The following P3H1 variants were observed in gnomAD, a reference collection of about 807,000 sequenced individuals.
The protein encoded by P3H1 is growth suppressor 1.
P3H1 carries 69 observed loss-of-function variants against 84.0 expected under a neutral mutation model. That is an observed-to-expected ratio of 0.82 (90% CI 0.68 to 1.00). The LOEUF (loss-of-function observed/expected upper bound fraction) is 1.00, where lower values mean the gene tolerates loss of function less well. Among genes scored for constraint, P3H1 ranks in the 50% least tolerant of loss-of-function variants. The pLI, the probability that P3H1 is intolerant of heterozygous loss-of-function variation, is 0.00. For missense variants in P3H1, 878 were observed against 962.8 expected (o/e 0.91, Z 1.17); for synonymous variants, 366 against 388.8 (o/e 0.94, Z 0.69).
intron 10 of P3H1, among the ~76,000 whole-genome samples, 197 bp downstream of exon 10, chr1:42,752,077 T>G (rs1272331676): frequency 2.0e-5 from 3 of 152,228 alleles, no homozygotes; most frequent in Non-Finnish European, 4.4e-5. Context: ...CACTTTGTTT[T>G]GATTACACTC....
intron 4 of P3H1, among the ~76,000 whole-genome samples, chr1:42,758,135 G>A (rs1652504496): frequency 6.6e-6 from 1 of 152,116 alleles, no homozygotes; most frequent in Non-Finnish European, 1.5e-5. Context: ...AAGGTGAGGT[G>A]GTCAATGTCC....
At chr1:42,749,692 C>T (rs1398994383) in intron 11 of P3H1, among the ~76,000 whole-genome samples, 1 of 152,220 alleles carries the variant, frequency 6.6e-6, no homozygotes, top group Non-Finnish European at 1.5e-5. Flanking sequence ...TCCCACCACC[C>T]GGAGTACTCC....
chr1:42,762,862 C>A (rs749066651), intron 1 of P3H1, among the ~76,000 whole-genome samples: 1 of 152,054 alleles, frequency 6.6e-6, no homozygotes, highest in Non-Finnish European at 1.5e-5. Flanking sequence ...GAGGCCGAGG[C>A]AGGTGGATCA....
intron 11 of P3H1, 154 bp downstream of exon 11, chr1:42,750,032 G>T: frequency 1.2e-6 from 1 of 849,696 alleles, no homozygotes; most frequent in Non-Finnish European, 1.9e-6. Context: ...TGCTACTGTG[G>T]CATGCATCAC....
At position 42,750,189 on chromosome 1, in the gene P3H1, C is replaced by T. The variant is rs753932941; in HGVS notation, c.1717G>A (p.Glu573Lys). 5.6e-6 allele frequency: 9 copies of T among 1,612,192 alleles called. No homozygotes were observed. The highest frequency in any genetic ancestry group is 4.4e-5 in the South Asian group (4 of 90,592). ...CTGCAGGGGTAATGAGGCCCACCTT[C>T]GATGGCAGTGCGGCACACCAGATGA... ...YSHLVCRTAI[E>K]EVQAERKDDS... The change falls in exon 11 of 15, where the codon GAA (glutamate) becomes AAA (lysine). Residue 573 changes from glutamate to lysine, a missense_variant. Physicochemically the swap from Glu to Lys is moderately conservative, Grantham distance 56 (BLOSUM62 1). Coordinates refer to ENST00000296388, the MANE Select transcript of P3H1 (RefSeq NM_022356.4).
chr1:42,749,939 G>C, intron 11 of P3H1: 1 of 532,534 alleles, frequency 1.9e-6, no homozygotes, highest in African/African-American at 1.9e-5. Context: ...GACAAGTGAC[G>C]GGTGGCCCCC....
chr1:42,750,692 G>T (rs1325788991), intron 10 of P3H1, among the ~76,000 whole-genome samples: 1 of 137,790 alleles, frequency 7.3e-6, no homozygotes, highest in African/African-American at 2.8e-5. Flanking sequence ...GGAGGGAGGT[G>T]GGGGGGTCAG....
chr1:42,759,250 A>G lies in P3H1; in HGVS notation c.759T>C (p.Asp253=), dbSNP rs1304210616. The part of the protein sequence containing the change: ...RALCEGPYDY[D]GYNYLEYNAD... ...CGTTGTACTCAAGGTAGTTGTAGCC[A>G]TCGTAGTCATAGGGCCCTTCGCAGA... Residue 253 remains aspartate (D), a synonymous_variant, in exon 3 of 15, where the codon GAT becomes GAC. Transcript: ENST00000296388. 6.2e-7 allele frequency: 1 copy of G among 1,614,156 alleles called. No homozygotes were observed. Among genetic ancestry groups the G allele is most frequent in the Non-Finnish European group, 8.5e-7 (1 of 1,180,034 alleles).
In P3H1 at chr1:42,766,675, C is replaced by T; in HGVS notation, c.297G>A (p.Ser99=). 6.5e-7 allele frequency: 1 copy of T among 1,528,062 alleles called. No individual in the cohort carries two copies. 94.7% of individuals were successfully genotyped at this position (1,528,062 alleles called of 1,614,324 possible). The change falls in exon 1 of 15, where the codon TCG becomes TCA. Residue 99 remains serine, a synonymous_variant. Coordinates refer to ENST00000296388, the MANE Select transcript of P3H1 (RefSeq NM_022356.4). ...TCAGGTCGCGCAGGGCGGCGGCGCCCGAGGCCTGGGCCGGGCTGGGGGACC... is the reference window on the plus strand; with the variant it reads ...TCAGGTCGCGCAGGGCGGCGGCGCCTGAGGCCTGGGCCGGGCTGGGGGACC... ...PDWSPSPAQA[S]GAAALRDLSF... is the part of the protein sequence containing the mutation.
Position 42,747,808 on chromosome 1 carries a change from G to A in P3H1, c.1839-10C>T, listed in dbSNP as rs746178758. ...TAGGTAAAGGATGGCGCTGGGAAAG[G>A]CAGAGACATCTCATCATGGCCCTTC... On this transcript the variant is annotated splice_polypyrimidine_tract_variant and intron_variant, in intron 12 of 14. Transcript: ENST00000296388. 1 of 1,613,648 alleles carries A rather than the reference G, an allele frequency of 6.2e-7. No individual in the cohort carries two copies. Among genetic ancestry groups the A allele is most frequent in the East Asian group, 2.2e-5 (1 of 44,880 alleles).
chr1:42,751,916 G>A lies in P3H1; in HGVS notation c.1569+358C>T, dbSNP rs1349572818. The A allele has an allele frequency of 2.6e-5, 9 of 341,354 alleles. 1 individual carries two copies. Among genetic ancestry groups the A allele is most frequent in the South Asian group, 7.6e-5 (3 of 39,680 alleles). 21.1% of individuals were successfully genotyped at this position (341,354 alleles called of 1,614,324 possible). On this transcript the variant is annotated intron_variant, in intron 10 of 14. Transcript: ENST00000296388. ...TGAAGCTGCAGCCTCTGCTGCCCAC[G>A]CCCAATACCCCTACTATATTCCTCT...
intron 1 of P3H1, among the ~76,000 whole-genome samples, chr1:42,763,224 ATT>A (rs987867368): frequency 2.0e-5 from 3 of 151,638 alleles, no homozygotes; most frequent in Admixed American, 2.0e-4. Flanking sequence ...CTAGAAAAAA[ATT>A]TTTTTTTGCA....
chr1:42,752,630 G>A lies in P3H1; in HGVS notation c.1380C>T (p.Thr460=). The A allele has an allele frequency of 2.5e-6, 4 of 1,614,176 alleles. No individual in the cohort carries two copies. Among genetic ancestry groups the A allele is most frequent in the Non-Finnish European group, 3.4e-6 (4 of 1,180,042 alleles). The part of the protein sequence containing the change: ...GPLLYEGISL[T]MNSKLLNGSQ... ...AACCATTCAGGAGTTTGGAGTTCAT[G>A]GTGAGACTGATGCCTTCATACAGCA... Residue 460 remains threonine, a synonymous_variant, in exon 9 of 15, where the codon ACC becomes ACT. Coordinates refer to ENST00000296388, the MANE Select transcript of P3H1 (RefSeq NM_022356.4).
intron 2 of P3H1, chr1:42,761,514 C>T (rs1052777870): frequency 6.6e-6 from 1 of 152,204 alleles, no homozygotes; most frequent in Non-Finnish European, 1.5e-5. Context: ...GATGGACTAT[C>T]ATGCAGCCAT....
Position 42,754,099 on chromosome 1 carries a change from T to C in P3H1, c.1345+770A>G, listed in dbSNP as rs1652255210. Among the ~76,000 whole-genome samples, 1 of 151,248 alleles carries C rather than the reference T, an allele frequency of 6.6e-6. No homozygotes were observed. The highest frequency in any genetic ancestry group is 6.6e-5 in the Admixed American group (1 of 15,222). ...AGAGACGGTGTAAACAGGACAAGAG[T>C]AGAACATTCGGTTAAGGGGCAGGCA... On this transcript the variant is annotated intron_variant, in intron 8 of 14. Transcript: ENST00000296388. This position sits in a 1 kb window ranked among gnomAD's most constrained non-coding sequence, Gnocchi z 4.0.
At chr1:42,758,048 G>A in intron 4 of P3H1, 126 bp from the exon 5 acceptor site, 1 of 861,678 alleles carries the variant, frequency 1.2e-6, no homozygotes, top group Non-Finnish European at 2.0e-6. Context: ...TGACAAGCTG[G>A]TGCCTGCTAC....
At chr1:42,757,528 T>C (rs913066316) in intron 5 of P3H1, among the ~76,000 whole-genome samples, 8 of 152,174 alleles carry the variant, frequency 5.3e-5, no homozygotes, top group African/African-American at 1.9e-4. Flanking sequence ...ACCGCGCAGT[T>C]CTGCGGGACT....
chr1:42,748,125 T>C (rs1651834404), intron 12 of P3H1, 75 bp downstream of exon 12: 4 of 1,054,322 alleles, frequency 3.8e-6, no homozygotes, highest in Non-Finnish European at 5.9e-6. Context: ...TAGGGTGGGG[T>C]AGTAGAGTGC....
At position 42,755,657 on chromosome 1, in the gene P3H1, C is replaced by T. The variant is rs1322263039; in HGVS notation, c.1081-20G>A. ...GGCACTCTGAGGGTAAAAAAGCAAACAAATCCCCCAGAACTCAGCCCTGTC... is the reference window on the plus strand; with the variant it reads ...GGCACTCTGAGGGTAAAAAAGCAAATAAATCCCCCAGAACTCAGCCCTGTC... On this transcript the variant is annotated intron_variant, in intron 5 of 14. Transcript: ENST00000296388. 1 of 1,591,142 alleles carries T rather than the reference C, an allele frequency of 6.3e-7. No homozygotes were observed. Among genetic ancestry groups the T allele is most frequent in the African/African-American group, 1.3e-5 (1 of 74,470 alleles).
Sources: gnomAD v4.1 joint callset for allele counts (sites outside exome capture counted in the v4.1 genomes callset) on GRCh38, gnomAD v4.1.1 for gene constraint, Gnocchi (gnomAD v3.1) non-coding constraint, MANE v1.5 for transcripts, NCBI Gene and HGNC (gene_info 2026-07-23, HGNC 2026-07-21) for gene names.